The following RBFOX1 variants were observed in gnomAD, a reference collection of about 807,000 sequenced individuals.
RBFOX1 encodes the protein RNA binding protein fox-1 homolog 1.
A neutral mutation model predicts 57.7 loss-of-function variants in RBFOX1; 8 were observed. The ratio of observed to expected loss-of-function variants is 0.14; its 90% CI spans 0.08 to 0.25. The LOEUF (loss-of-function observed/expected upper bound fraction) is 0.25. Among genes scored for constraint, RBFOX1 ranks in the 10% least tolerant of loss-of-function variants. The pLI, the probability that RBFOX1 is intolerant of heterozygous loss-of-function variation, is 1.00. For synonymous variants in RBFOX1, 326 were observed against 222.4 expected, an observed-to-expected ratio of 1.47 and a Z score of -4.15; for missense variants, 611 against 548.5, an observed-to-expected ratio of 1.11 and a Z score of -1.14.
intron 4 of RBFOX1, among the ~76,000 whole-genome samples, chr16:7,382,974 C>G (rs767750970): frequency 1.3e-5 from 2 of 152,116 alleles, no homozygotes; most frequent in African/African-American, 2.4e-5. Context: ...GAAGGAACAT[C>G]TAGCCAATGA....
At chr16:6,077,084 C>G (rs1019980359) in intron 1 of RBFOX1, among the ~76,000 whole-genome samples, 2 of 152,150 alleles carry the variant, frequency 1.3e-5, no homozygotes, top group African/African-American at 4.8e-5. Flanking sequence ...GATGGGTAAT[C>G]CTCTGTGGTG....
At chr16:6,425,361 G>A (rs959130165) in intron 2 of RBFOX1, among the ~76,000 whole-genome samples, 1 of 152,100 alleles carries the variant, frequency 6.6e-6, no homozygotes, top group Admixed American at 6.5e-5. Flanking sequence ...AAATGCTCTT[G>A]ATCAAATTAA....
chr16:6,220,986 G>C (rs934326371), intron 1 of RBFOX1, among the ~76,000 whole-genome samples: 1 of 152,030 alleles, frequency 6.6e-6, no homozygotes, highest in Admixed American at 6.5e-5. Flanking sequence ...GTGTGTGTGT[G>C]TGTAGCTATA....
intron 3 of RBFOX1, among the ~76,000 whole-genome samples, chr16:6,799,591 G>A (rs577537372): frequency 3.3e-5 from 5 of 152,226 alleles, no homozygotes; most frequent in African/African-American, 1.2e-4. Context: ...AGCGGCCTGG[G>A]AGAGAAAGAC....
Position 5,934,614 on chromosome 16 carries a change from A to G in RBFOX1, c.351+67279A>G, listed in dbSNP as rs186149319. Among the ~76,000 whole-genome samples, 172 of 152,360 alleles carry G rather than the reference A, an allele frequency of 1.1e-3. 2 individuals carry two copies. Among genetic ancestry groups the G allele is most frequent in the Non-Finnish European group, 1.3e-3 (90 of 68,028 alleles). On this transcript the variant is annotated intron_variant, in intron 4 of 19. Transcript: ENST00000641259. ...GAAGAGGATATTGAATGTTCCCAAC[A>G]CAAAGAAATGATAAATATTTGAGAT...
intron 9 of RBFOX1, among the ~76,000 whole-genome samples, chr16:7,601,876 C>T (rs796355055): frequency 2.2e-4 from 33 of 152,214 alleles, no homozygotes; most frequent in African/African-American, 5.5e-4. Context: ...AAATACACGC[C>T]GTTAAAGAAT....
chr16:6,970,529 T>G (rs943309859), intron 3 of RBFOX1, among the ~76,000 whole-genome samples: 1 of 152,094 alleles, frequency 6.6e-6, no homozygotes, highest in African/African-American at 2.4e-5. Context: ...GTAGATTCAG[T>G]GTCCGGTGAG....
At chr16:7,086,450 C>A (rs890213104) in intron 4 of RBFOX1, among the ~76,000 whole-genome samples, 2 of 152,022 alleles carry the variant, frequency 1.3e-5, no homozygotes, top group African/African-American at 4.8e-5. Flanking sequence ...ATATGCTGGG[C>A]AAATTGCATT....
chr16:6,926,668 G>T (rs1289296974), intron 3 of RBFOX1, among the ~76,000 whole-genome samples: 2 of 152,104 alleles, frequency 1.3e-5, no homozygotes, highest in Non-Finnish European at 2.9e-5. Context: ...GTAAACATAT[G>T]TGCATGGTTA....
At chr16:6,812,827 G>A (rs552112311) in intron 3 of RBFOX1, among the ~76,000 whole-genome samples, 2 of 152,238 alleles carry the variant, frequency 1.3e-5, no homozygotes, top group South Asian at 2.1e-4. Context: ...TTTGCATACA[G>A]CAGTACCATA....
chr16:7,163,482 C>G (rs1054997678), intron 4 of RBFOX1, among the ~76,000 whole-genome samples: 1 of 151,996 alleles, frequency 6.6e-6, no homozygotes, highest in Non-Finnish European at 1.5e-5. Context: ...TCTGATCTGC[C>G]CATTCTCTCC....
intron 4 of RBFOX1, among the ~76,000 whole-genome samples, chr16:5,891,346 G>C (rs2058041224): frequency 6.6e-6 from 1 of 152,078 alleles, no homozygotes; most frequent in African/African-American, 2.4e-5. Flanking sequence ...GGATGCCCTT[G>C]GTTTCAAGTT....
chr16:6,701,297 T>C (rs1187118588), intron 3 of RBFOX1, among the ~76,000 whole-genome samples: 1 of 152,212 alleles, frequency 6.6e-6, no homozygotes, highest in Admixed American at 6.5e-5. Context: ...CTGACAGCTG[T>C]GGCTGCCTGC....
intron 4 of RBFOX1, among the ~76,000 whole-genome samples, chr16:7,161,974 C>T (rs1471451): frequency 0.67 from 101,190 of 152,078 alleles, 34,768 homozygotes; most frequent in Non-Finnish European, 0.76. Context: ...CCACTAAAAA[C>T]ATATTTGTTC....
intron 4 of RBFOX1, among the ~76,000 whole-genome samples, chr16:5,963,644 AC>A (rs1400416994): frequency 1.3e-5 from 2 of 152,216 alleles, no homozygotes; most frequent in Non-Finnish European, 2.9e-5. Flanking sequence ...GGTGACAAGA[AC>A]CTGCAATGGG....
intron 3 of RBFOX1, among the ~76,000 whole-genome samples, chr16:6,922,716 C>T (rs796136491): frequency 2.1e-4 from 32 of 152,266 alleles, no homozygotes; most frequent in African/African-American, 7.7e-4. Flanking sequence ...ACTCCAAAAA[C>T]TGGAAAGCCT....
chr16:7,333,176 T>G lies in RBFOX1; in HGVS notation c.28-184971T>G, dbSNP rs559727570. The G allele has an allele frequency of 2.5e-5, 32 of 1,281,844 alleles. No individual in the cohort carries two copies. The East Asian group carries it at 7.4e-4, about 30-fold the overall frequency. 79.4% of individuals were successfully genotyped at this position (1,281,844 alleles called of 1,614,324 possible). A position where few individuals can be genotyped will look rare whatever the true frequency, so the allele number is the denominator to read the frequency against. On this transcript the variant is annotated intron_variant, in intron 4 of 15. Transcript: ENST00000550418. ...TTTTTATGGTTGAGAAAGCAAACAC[T>G]TTTAATACAGGAAAAAGCCCTCGCG...
intron 1 of RBFOX1, among the ~76,000 whole-genome samples, chr16:5,420,155 T>A (rs12444925): frequency 0.42 from 63,877 of 152,048 alleles, 16,067 homozygotes; most frequent in East Asian, 0.62. Context: ...CTGGGCCTGG[T>A]CTGACCAGAG....
At chr16:6,889,521 G>A (rs757776566) in intron 3 of RBFOX1, among the ~76,000 whole-genome samples, 3 of 152,158 alleles carry the variant, frequency 2.0e-5, no homozygotes, top group Admixed American at 6.5e-5. Flanking sequence ...TGGGTTCTTC[G>A]TGACTGCAGT....
Sources: allele counts gnomAD v4.1 joint callset (sites outside exome capture counted in the v4.1 genomes callset), GRCh38; gene constraint gnomAD v4.1.1; transcripts MANE v1.5; gene names NCBI Gene and HGNC (gene_info 2026-07-23, HGNC 2026-07-21).